GABRR1: variants seen among roughly 807,000 people sequenced by gnomAD.
GABRR1 encodes gamma-aminobutyric acid type A receptor subunit rho1, also known as gamma-aminobutyric acid receptor subunit rho-1.
A neutral mutation model predicts 55.5 loss-of-function variants in GABRR1; 59 were observed. The ratio of observed to expected loss-of-function variants is 1.06; its 90% CI spans 0.86 to 1.32. GABRR1 has a LOEUF of 1.32. Among genes scored for constraint, GABRR1 ranks in the 40% most tolerant of loss-of-function variants. GABRR1 has a pLI of 0.00. For synonymous variants in GABRR1, 213 were observed against 226.0 expected, an observed-to-expected ratio of 0.94 and a Z score of 0.51; for missense variants, 602 against 619.1, an observed-to-expected ratio of 0.97 and a Z score of 0.29.
chr6:89,203,345 G>A, intron 2 of GABRR1, 90 bp downstream of exon 2: 1 of 1,137,906 alleles, frequency 8.8e-7, no homozygotes, highest in East Asian at 2.4e-5. Flanking sequence ...CTTGGTGAGG[G>A]GTCGGGGAGG....
Position 89,181,939 on chromosome 6 carries a change from G to A in GABRR1, c.915C>T (p.Ile305=), listed in dbSNP as rs756954618. The part of the protein sequence containing the change: ...MVMLSWVSFW[I]DRRAVPARVP... ...CTCTGGCAGGCACGGCTCTGCGGTCGATCCAGAAGGACACCCAGGACAGCA... is the reference window on the plus strand; with the variant it reads ...CTCTGGCAGGCACGGCTCTGCGGTCAATCCAGAAGGACACCCAGGACAGCA... Residue 305 remains isoleucine, a synonymous_variant, in exon 8 of 10, where the codon ATC becomes ATT. Coordinates refer to ENST00000454853, the MANE Select transcript of GABRR1 (RefSeq NM_002042.5). 4.8e-5 allele frequency: 78 copies of A among 1,613,644 alleles called. No homozygotes were observed. The highest frequency in any genetic ancestry group is 6.7e-5 in the East Asian group (3 of 44,894).
chr6:89,187,075 G>T (rs1230425541), intron 6 of GABRR1, among the ~76,000 whole-genome samples: 3 of 152,140 alleles, frequency 2.0e-5, no homozygotes, highest in Non-Finnish European at 4.4e-5. Context: ...GAGTCACAGG[G>T]GTGTCCACTG....
In GABRR1 at chr6:89,181,150, G is replaced by C. The variant is rs1771705641; in HGVS notation, c.950-662C>G. Among the ~76,000 whole-genome samples the C allele has an allele frequency of 2.0e-5, 3 of 152,212 alleles. No individual in the cohort carries two copies. The South Asian group carries it at 6.2e-4, about 31-fold the overall frequency. On this transcript the variant is annotated intron_variant, in intron 8 of 9. Transcript: ENST00000454853. ...TATGGAACAACTGTTAGAGGACAAGGCATCTGTCCATGGAAATTTGCCCAG... is the reference window on the plus strand; with the variant it reads ...TATGGAACAACTGTTAGAGGACAAGCCATCTGTCCATGGAAATTTGCCCAG...
At chr6:89,190,386 A>G (rs1772049670) in intron 5 of GABRR1, 139 bp from the exon 6 acceptor site, 14 of 565,300 alleles carry the variant, frequency 2.5e-5, no homozygotes, top group Admixed American at 3.5e-5. Context: ...GTCAGGGTTT[A>G]GATAAGTAGC....
Position 89,196,872 on chromosome 6 carries a change from AAAGAAAGAGAAG to A in GABRR1, c.572+1136_572+1147del, listed in dbSNP as rs1454644893. 5.0e-5 allele frequency among the ~76,000 whole-genome samples: 7 copies of A among 140,168 alleles called. 1 individual carries two copies. Among genetic ancestry groups the A allele is most frequent in the African/African-American group, 1.8e-4 (7 of 37,980 alleles). 92.0% of individuals were successfully genotyped at this position (140,168 alleles called of 152,430 possible). A position where few individuals can be genotyped will look rare whatever the true frequency, so the allele number is the denominator to read the frequency against. On this transcript the variant is annotated intron_variant, in intron 5 of 9. Transcript: ENST00000454853. The stretch of plus-strand genomic sequence containing the variant: ...GAAAGAAAGAAAGAAAGAAAGAAAG[AAAGAAAGAGAAG>A]AGAAGAAAAAAGAAAAGAAAATAAA...
intron 1 of GABRR1, among the ~76,000 whole-genome samples, chr6:89,210,369 GT>G (rs1438086540): frequency 1.3e-5 from 2 of 151,644 alleles, no homozygotes; most frequent in Non-Finnish European, 2.9e-5. Context: ...AATTTTGCTT[GT>G]TTTTGTAGAA....
rs201296322 is a variant in GABRR1 at position 89,196,872 on chromosome 6, AAAG to A, written c.572+1145_572+1147del. ...GAAAGAAAGAAAGAAAGAAAGAAAG[AAAG>A]AAAGAGAAGAGAAGAAAAAAGAAAA... On this transcript the variant is annotated intron_variant, in intron 5 of 9. Coordinates refer to ENST00000454853, the MANE Select transcript of GABRR1 (RefSeq NM_002042.5). Among the ~76,000 whole-genome samples, 202 of 140,240 alleles carry A rather than the reference AAAG, an allele frequency of 1.4e-3. 2 individuals carry two copies. Among genetic ancestry groups the A allele is most frequent in the East Asian group, 2.5e-3 (12 of 4,822 alleles). 92.0% of individuals were successfully genotyped at this position (140,240 alleles called of 152,430 possible).
At chr6:89,209,538 G>C (rs921648354) in intron 1 of GABRR1, among the ~76,000 whole-genome samples, 1 of 152,168 alleles carries the variant, frequency 6.6e-6, no homozygotes, top group Non-Finnish European at 1.5e-5. Flanking sequence ...TTCAGAATGT[G>C]AAATTGCGGA....
chr6:89,195,886 G>A (rs1435917259), intron 5 of GABRR1, among the ~76,000 whole-genome samples: 3 of 152,186 alleles, frequency 2.0e-5, no homozygotes, highest in Non-Finnish European at 4.4e-5. Context: ...TTATACTACA[G>A]AAATCAGCAA....
In GABRR1 at chr6:89,180,366, A is replaced by G. The variant is rs1582371412; in HGVS notation, c.1072T>C (p.Ser358Pro). ...TTGACGGCCGCATACTCCAGCACCGAGAGGAACACGAACACAAAGCTGACC... is the reference window on the plus strand; with the variant it reads ...TTGACGGCCGCATACTCCAGCACCGGGAGGAACACGAACACAAAGCTGACC... ...LWVSFVFVFL[S>P]VLEYAAVNYL... Residue 358 changes from serine (S) to proline (P), a missense_variant, in exon 9 of 10, where the codon TCG becomes CCG. By Grantham distance (74) the Ser-to-Pro change is moderately conservative. This residue lies in a region of GABRR1 where 28 missense variants were observed against 53.9 expected (regional missense o/e 0.52). Coordinates refer to ENST00000454853, the MANE Select transcript of GABRR1 (RefSeq NM_002042.5). The G allele has an allele frequency of 1.2e-6, 2 of 1,613,920 alleles. No homozygotes were observed. Among genetic ancestry groups the G allele is most frequent in the East Asian group, 4.5e-5 (2 of 44,880 alleles).
chr6:89,178,445 G>T lies in GABRR1; in HGVS notation c.*325C>A, dbSNP rs1227567211. The T allele has an allele frequency of 2.9e-6, 1 of 343,038 alleles. No individual in the cohort carries two copies. Among genetic ancestry groups the T allele is most frequent in the Non-Finnish European group, 5.4e-6 (1 of 184,130 alleles). The allele number at this position is 343,038 out of a possible 1,614,324, so 21.2% of individuals were successfully genotyped here. On this transcript the variant is annotated 3_prime_UTR_variant, in exon 10 of 10. Transcript: ENST00000454853. ...ATTATTCATGTGAATAGCATCAAGG[G>T]TCTAACGGGTGGAACTAAATGTGCC...
intron 1 of GABRR1, chr6:89,204,822 G>A (rs1187260460): frequency 3.5e-6 from 1 of 288,090 alleles, no homozygotes; most frequent in Non-Finnish European, 6.3e-6. Flanking sequence ...AATCATAAAG[G>A]AGAAGATGAA....
chr6:89,200,308 G>C lies in GABRR1; in HGVS notation c.280+851C>G, dbSNP rs565022505. Among the ~76,000 whole-genome samples the C allele has an allele frequency of 2.2e-5, 3 of 136,456 alleles. No homozygotes were observed. In the South Asian group the frequency reaches 6.9e-4, roughly 31 times the overall value. The allele number at this position is 136,456 out of a possible 152,430, so 89.5% of individuals were successfully genotyped here. A position where few individuals can be genotyped will look rare whatever the true frequency, so the allele number is the denominator to read the frequency against. On this transcript the variant is annotated intron_variant, in intron 3 of 9. Coordinates refer to ENST00000454853, the MANE Select transcript of GABRR1 (RefSeq NM_002042.5). ...CTGTTGCCCAGGCTGGAGTACAGTG[G>C]TGTGATCTCAGTTCACTGCAACCTC... is the stretch of plus-strand genomic sequence containing the variant.
At chr6:89,204,206 G>A (rs1772570994) in intron 1 of GABRR1, among the ~76,000 whole-genome samples, 1 of 152,180 alleles carries the variant, frequency 6.6e-6, no homozygotes, top group African/African-American at 2.4e-5. Flanking sequence ...CATGAGTTAA[G>A]CCCTTTTGAA....
Position 89,183,858 on chromosome 6 carries a change from C to T in GABRR1, c.796+1452G>A, listed in dbSNP as rs574923973. On this transcript the variant is annotated intron_variant, in intron 7 of 9. Transcript: ENST00000454853. ...AGTGGTATAGTGGACACTGGAGACT[C>T]GGAAGTGGAGAAGGTGGGAGGAGAG... Among the ~76,000 whole-genome samples, 42 of 152,150 alleles carry T rather than the reference C, an allele frequency of 2.8e-4. No individual in the cohort carries two copies. The South Asian group carries it at 5.4e-3, about 20-fold the overall frequency.
At position 89,199,429 on chromosome 6, in the gene GABRR1, C is replaced by T. The variant is rs770491596; in HGVS notation, c.281G>A (p.Gly94Asp). ...ATCCACACCAACAGGAATGGCAGGG[C>T]CTGGGGACAGAGCATGGCAAGAGCA... is the stretch of plus-strand genomic sequence containing the variant. ...HDFSMRPGFGGPAIPVGVDVQ... is the reference protein window; with the variant it reads ...HDFSMRPGFGDPAIPVGVDVQ... Residue 94 changes from glycine (G) to aspartate (D), a missense_variant and splice_region_variant, in exon 4 of 10, where the codon GGC (glycine) becomes GAC (aspartate). Physicochemically the swap from Gly to Asp is moderately conservative, Grantham distance 94 (BLOSUM62 -1). Coordinates refer to ENST00000454853, the MANE Select transcript of GABRR1 (RefSeq NM_002042.5). 2.1e-5 allele frequency: 34 copies of T among 1,613,686 alleles called. No homozygotes were observed. Among genetic ancestry groups the T allele is most frequent in the Non-Finnish European group, 2.8e-5 (33 of 1,179,768 alleles).
intron 1 of GABRR1, among the ~76,000 whole-genome samples, chr6:89,210,971 G>A (rs1772817087): frequency 6.6e-6 from 1 of 152,038 alleles, no homozygotes; most frequent in South Asian, 2.1e-4. Context: ...TGACACCTCT[G>A]CTAAATATTG....
chr6:89,188,908 G>A (rs755066351), intron 6 of GABRR1, among the ~76,000 whole-genome samples: 3 of 152,014 alleles, frequency 2.0e-5, no homozygotes, highest in South Asian at 2.1e-4. Context: ...ACCACCACAC[G>A]AACTCACAGT....
Position 89,180,486 on chromosome 6 carries a change from T to C in GABRR1, c.952A>G (p.Ile318Val). The C allele has an allele frequency of 1.2e-6, 2 of 1,612,822 alleles. No individual in the cohort carries two copies. Among genetic ancestry groups the C allele is most frequent in the Non-Finnish European group, 1.7e-6 (2 of 1,179,552 alleles). ...RAVPARVPLG[I>V]TTVLTMSTII... is the part of the protein sequence containing the mutation. Reference sequence around the variant, plus strand: ...GTGGACATGGTCAGCACCGTTGTGATACCTGCAAACACAAGAATGAGAAAC... The same window carrying C: ...GTGGACATGGTCAGCACCGTTGTGACACCTGCAAACACAAGAATGAGAAAC... The change falls in exon 9 of 10, where the codon ATC becomes GTC. Residue 318 changes from isoleucine to valine, a missense_variant and splice_region_variant. Coordinates refer to ENST00000454853, the MANE Select transcript of GABRR1 (RefSeq NM_002042.5).
Sources: allele counts gnomAD v4.1 joint callset (sites outside exome capture counted in the v4.1 genomes callset), GRCh38; gene constraint gnomAD v4.1.1; regional missense constraint gnomAD v4.1.1; transcripts MANE v1.5; gene names NCBI Gene and HGNC (gene_info 2026-07-23, HGNC 2026-07-21).